Variants in LRRTM4 observed in about 807,000 individuals in gnomAD.
LRRTM4 encodes leucine-rich repeat transmembrane neuronal protein 4.
LRRTM4 carries 25 observed loss-of-function variants against 47.6 expected under a neutral mutation model. The ratio of observed to expected loss-of-function variants is 0.53; its 90% CI spans 0.38 to 0.73. The LOEUF (loss-of-function observed/expected upper bound fraction) is 0.73. LRRTM4 is among the 30% of genes least tolerant of loss of function. The pLI, the probability that LRRTM4 is intolerant of heterozygous loss-of-function variation, is 0.00. For synonymous variants in LRRTM4, 311 were observed against 269.5 expected (o/e 1.15, Z -1.51); for missense variants, 638 against 713.4 (o/e 0.89, Z 1.20).
At chr2:76,800,694 A>T (rs1413326049) in intron 3 of LRRTM4, among the ~76,000 whole-genome samples, 2 of 123,390 alleles carry the variant, frequency 1.6e-5, no homozygotes, top group African/African-American at 6.5e-5. Flanking sequence ...AAATTTTCAC[A>T]ACCTACTCAT....
chr2:77,355,871 T>C (rs1671947377), intron 3 of LRRTM4, among the ~76,000 whole-genome samples: 1 of 152,162 alleles, frequency 6.6e-6, no homozygotes, highest in Non-Finnish European at 1.5e-5. Context: ...GGTGGACAGA[T>C]TGCTTGAACT....
At chr2:76,843,851 C>T (rs1013130019) in intron 3 of LRRTM4, among the ~76,000 whole-genome samples, 2 of 151,678 alleles carry the variant, frequency 1.3e-5, no homozygotes, top group South Asian at 2.1e-4. Context: ...CAATACTAGG[C>T]CTTTTTGTCT....
chr2:76,922,062 A>T (rs901556187), intron 3 of LRRTM4, among the ~76,000 whole-genome samples: 1 of 152,290 alleles, frequency 6.6e-6, no homozygotes, highest in East Asian at 1.9e-4. Flanking sequence ...AATATCATTC[A>T]GCCTTAAAAA....
At chr2:77,293,359 T>C (rs1007050463) in intron 3 of LRRTM4, among the ~76,000 whole-genome samples, 2 of 152,116 alleles carry the variant, frequency 1.3e-5, no homozygotes, top group Non-Finnish European at 2.9e-5. Context: ...TTTCAAGCAG[T>C]TATCAAGACA....
intron 3 of LRRTM4, among the ~76,000 whole-genome samples, chr2:77,047,639 G>A (rs1679278973): frequency 6.6e-6 from 1 of 152,016 alleles, no homozygotes; most frequent in Admixed American, 6.6e-5. Flanking sequence ...AAAGACACCA[G>A]TCATATTGGA....
At chr2:77,006,721 C>A (rs10165789) in intron 3 of LRRTM4, among the ~76,000 whole-genome samples, 21,016 of 152,040 alleles carry the variant, frequency 0.14, 1,645 homozygotes, top group Non-Finnish European at 0.18. Context: ...TCTGGAATCA[C>A]AATAGAGGGA....
intron 3 of LRRTM4, among the ~76,000 whole-genome samples, chr2:77,176,091 T>G (rs1019876664): frequency 1.3e-5 from 2 of 151,996 alleles, no homozygotes; most frequent in Non-Finnish European, 1.5e-5. Flanking sequence ...ACACCGGAGA[T>G]CCCCTTAATG....
chr2:76,860,556 G>A (rs1427775491), intron 3 of LRRTM4, among the ~76,000 whole-genome samples: 1 of 152,022 alleles, frequency 6.6e-6, no homozygotes, highest in African/African-American at 2.4e-5. Flanking sequence ...TTTGCTGTGT[G>A]TGTGCATGTG....
chr2:76,970,287 T>G lies in LRRTM4; in HGVS notation c.1552-221371A>C, dbSNP rs1049104651. Among the ~76,000 whole-genome samples the G allele has an allele frequency of 6.6e-5, 10 of 152,096 alleles. No homozygotes were observed. The South Asian group carries it at 1.0e-3, about 16-fold the overall frequency. On this transcript the variant is annotated intron_variant, in intron 3 of 3. Coordinates refer to ENST00000409884, the MANE Select transcript of LRRTM4 (RefSeq NM_001134745.3). ...AACGAAGTACATCATGCTGCCTATT[T>G]TGTTCACAGACAAAAGTGATGTATT...
At chr2:77,447,374 G>T (rs1257271143) in intron 3 of LRRTM4, among the ~76,000 whole-genome samples, 3 of 152,084 alleles carry the variant, frequency 2.0e-5, no homozygotes, top group Middle Eastern at 3.4e-3. Flanking sequence ...GTGCAATTCT[G>T]CCCACAAGAA....
At position 77,075,641 on chromosome 2, in the gene LRRTM4, C is replaced by T. The variant is rs191518016; in HGVS notation, c.1552-326725G>A. Among the ~76,000 whole-genome samples the T allele has an allele frequency of 6.3e-3, 961 of 151,982 alleles. 13 individuals carry two copies. Among genetic ancestry groups the T allele is most frequent in the African/African-American group, 0.022 (893 of 41,428 alleles). Reference sequence around the variant, plus strand: ...ATTTTGTTTTAAAAATGGGGCCGGGCGCGGTGGCTCACGCCTGTAATCCCA... The same window carrying T: ...ATTTTGTTTTAAAAATGGGGCCGGGTGCGGTGGCTCACGCCTGTAATCCCA... On this transcript the variant is annotated intron_variant, in intron 3 of 3. Transcript: ENST00000409884.
Position 77,179,557 on chromosome 2 carries a change from G to A in LRRTM4, c.1551+338761C>T, listed in dbSNP as rs574903149. Among the ~76,000 whole-genome samples, 56 of 152,148 alleles carry A rather than the reference G, an allele frequency of 3.7e-4. No individual in the cohort carries two copies. The South Asian group carries it at 9.1e-3, about 25-fold the overall frequency. ...CGTCAGTATTTCAAGAAGACTGTGT[G>A]GATGAGAGTAAGTCACTTAAGGTTT... On this transcript the variant is annotated intron_variant, in intron 3 of 3. Coordinates refer to ENST00000409884, the MANE Select transcript of LRRTM4 (RefSeq NM_001134745.3).
At chr2:76,870,692 C>T (rs890111215) in intron 3 of LRRTM4, among the ~76,000 whole-genome samples, 9 of 152,126 alleles carry the variant, frequency 5.9e-5, no homozygotes, top group African/African-American at 2.2e-4. Context: ...ATTTCTCCTT[C>T]CCAAGTGATT....
At chr2:77,106,751 G>A (rs1671102136) in intron 3 of LRRTM4, among the ~76,000 whole-genome samples, 1 of 151,888 alleles carries the variant, frequency 6.6e-6, no homozygotes, top group African/African-American at 2.4e-5. Context: ...GGAATTCCAA[G>A]AGGCTGCCGT....
At chr2:77,450,627 T>G (rs891990559) in intron 3 of LRRTM4, among the ~76,000 whole-genome samples, 11 of 152,122 alleles carry the variant, frequency 7.2e-5, no homozygotes, top group African/African-American at 2.7e-4. Context: ...ATTTCAGAGT[T>G]GAAACAATAC....
chr2:76,898,793 T>A (rs1484088262), intron 3 of LRRTM4, among the ~76,000 whole-genome samples: 3 of 151,070 alleles, frequency 2.0e-5, no homozygotes, highest in Admixed American at 1.3e-4. Flanking sequence ...CTATACATTA[T>A]ATATAATAGA....
rs532074025 is a variant in LRRTM4 at position 76,801,283 on chromosome 2, G to C, written c.1552-52367C>G. On this transcript the variant is annotated intron_variant, in intron 3 of 3. Coordinates refer to ENST00000409884, the MANE Select transcript of LRRTM4 (RefSeq NM_001134745.3). ...CCAACCCAAATGTCCAACAATGATA[G>C]ACTGGATTAAGAAAATGTGGCACAT... Among the ~76,000 whole-genome samples, 21 of 152,102 alleles carry C rather than the reference G, an allele frequency of 1.4e-4. No individual in the cohort carries two copies. The East Asian group carries it at 3.5e-3, about 25-fold the overall frequency.
chr2:77,260,642 CA>C lies in LRRTM4; in HGVS notation c.1551+257675del, dbSNP rs1046807856. Among the ~76,000 whole-genome samples, 15 of 152,126 alleles carry C rather than the reference CA, an allele frequency of 9.9e-5. No individual in the cohort carries two copies. In the East Asian group the frequency reaches 2.9e-3, roughly 29 times the overall value. On this transcript the variant is annotated intron_variant, in intron 3 of 3. Transcript: ENST00000409884. ...TGTAGACTGAGTTTGCACCAGCATGCAACAGCTAATTCAACTAAATTCAAAG... is the reference window on the plus strand; with the variant it reads ...TGTAGACTGAGTTTGCACCAGCATGCACAGCTAATTCAACTAAATTCAAAG...
intron 3 of LRRTM4, among the ~76,000 whole-genome samples, chr2:76,862,638 C>G (rs187388760): frequency 3.3e-5 from 5 of 152,164 alleles, no homozygotes; most frequent in African/African-American, 1.2e-4. Flanking sequence ...CACGCGTGCG[C>G]GCGCACACAC....
Sources: gnomAD v4.1 joint callset for allele counts (sites outside exome capture counted in the v4.1 genomes callset) on GRCh38, gnomAD v4.1.1 for gene constraint, MANE v1.5 for transcripts, NCBI Gene and HGNC (gene_info 2026-07-23, HGNC 2026-07-21) for gene names.